Variants in KCNH1 observed in about 807,000 individuals in gnomAD.
KCNH1 encodes the protein potassium voltage-gated channel subfamily H member 1.
A neutral mutation model predicts 69.2 loss-of-function variants in KCNH1; 27 were observed. The observed-to-expected ratio is 0.39, with a 90% confidence interval of 0.29 to 0.54. The LOEUF (loss-of-function observed/expected upper bound fraction) is 0.54, where lower values mean the gene tolerates loss of function less well. KCNH1 is among the 20% of genes least tolerant of loss of function. The probability of loss-of-function intolerance (pLI) is 0.68; values close to 1 mark genes in which losing one functional copy is unlikely to be tolerated. For missense variants in KCNH1, 798 were observed against 1,261.6 expected (o/e 0.63, Z 5.57); for synonymous variants, 456 against 487.7 (o/e 0.93, Z 0.86).
chr1:210,819,475 C>T (rs534807118), intron 7 of KCNH1, among the ~76,000 whole-genome samples: 1 of 152,196 alleles, frequency 6.6e-6, no homozygotes, highest in South Asian at 2.1e-4. Context: ...TGAGTGTCTG[C>T]CGTGACACCT....
chr1:210,804,048 C>T lies in KCNH1; in HGVS notation c.1581G>A (p.Gln527=). 6.2e-7 allele frequency: 1 copy of T among 1,614,192 alleles called. No homozygotes were observed. Among genetic ancestry groups the T allele is most frequent in the Non-Finnish European group, 8.5e-7 (1 of 1,180,034 alleles). Residue 527 remains glutamine (Q), a synonymous_variant, in exon 8 of 11, where the codon CAG becomes CAA. Transcript: ENST00000271751. The part of the protein sequence containing the change: ...NSVRDFLKLY[Q]VPKGLSERVM... ...CTCGCTCACTCAATCCTTTTGGCACCTGGTAGAGCTTCAGGAAGTCCCGAA... is the reference window on the plus strand; with the variant it reads ...CTCGCTCACTCAATCCTTTTGGCACTTGGTAGAGCTTCAGGAAGTCCCGAA...
intron 7 of KCNH1, among the ~76,000 whole-genome samples, chr1:210,823,769 A>C (rs1024132717): frequency 6.6e-6 from 1 of 152,174 alleles, no homozygotes; most frequent in Non-Finnish European, 1.5e-5. Flanking sequence ...CAAATCACAC[A>C]GCAACCAAGT....
intron 1 of KCNH1, among the ~76,000 whole-genome samples, chr1:211,121,893 T>C (rs1455557526): frequency 6.6e-6 from 1 of 152,200 alleles, no homozygotes; most frequent in Non-Finnish European, 1.5e-5. Context: ...CCCAGCACTT[T>C]GGGAGACCCA....
intron 6 of KCNH1, among the ~76,000 whole-genome samples, chr1:210,993,168 T>C (rs1688965574): frequency 6.6e-6 from 1 of 152,248 alleles, no homozygotes; most frequent in East Asian, 1.9e-4. Flanking sequence ...TACACTATTT[T>C]AAGTTACTTT....
intron 6 of KCNH1, among the ~76,000 whole-genome samples, chr1:210,952,084 A>G (rs1688073354): frequency 6.6e-6 from 1 of 152,122 alleles, no homozygotes. Context: ...CAAGCTGCCT[A>G]GCACCTGAGC....
chr1:210,886,578 G>A (rs1480462947), intron 7 of KCNH1, among the ~76,000 whole-genome samples: 1 of 151,942 alleles, frequency 6.6e-6, no homozygotes, highest in Admixed American at 6.6e-5. Flanking sequence ...GCTTCAGAAG[G>A]TGTGTAATAA....
rs755800500 is a variant in KCNH1 at position 210,683,843 on chromosome 1, G to A, written c.2408C>T (p.Ala803Val). Residue 803 changes from alanine (A) to valine (V), a missense_variant, in exon 11 of 11, where the codon GCC (alanine) becomes GTC (valine). By Grantham distance (64) the Ala-to-Val change is moderately conservative. This residue lies in a region of KCNH1 where 331 missense variants were observed against 363.2 expected (regional missense o/e 0.91). Coordinates refer to ENST00000271751, the MANE Select transcript of KCNH1 (RefSeq NM_172362.3). This position sits in a 1 kb window ranked among gnomAD's most constrained non-coding sequence, Gnocchi z 5.7. ...GTGGTCTGGCACCCCGGAGGTGGAG[G>A]CTGCCTGGAAGGATACGGGCGTGGC... ...SPATPVSFQA[A>V]STSGVPDHAK... The A allele has an allele frequency of 6.2e-7, 1 of 1,614,038 alleles. No homozygotes were observed. Among genetic ancestry groups the A allele is most frequent in the Admixed American group, 1.7e-5 (1 of 60,032 alleles).
chr1:210,845,551 A>C (rs1205199373), intron 7 of KCNH1, among the ~76,000 whole-genome samples: 1 of 152,198 alleles, frequency 6.6e-6, no homozygotes. Flanking sequence ...AACACTCTCA[A>C]TAAACTAGGT....
intron 6 of KCNH1, among the ~76,000 whole-genome samples, chr1:210,959,368 G>C (rs1486800702): frequency 6.6e-6 from 1 of 152,158 alleles, no homozygotes; most frequent in Non-Finnish European, 1.5e-5. Flanking sequence ...AGGCCACATG[G>C]GGGCCAGGGA....
At chr1:210,853,098 G>A (rs1352447494) in intron 7 of KCNH1, among the ~76,000 whole-genome samples, 1 of 152,136 alleles carries the variant, frequency 6.6e-6, no homozygotes, top group East Asian at 1.9e-4. Flanking sequence ...ATAATGTTTG[G>A]CGGCTATGGT....
intron 7 of KCNH1, among the ~76,000 whole-genome samples, chr1:210,836,833 T>C (rs560865236): frequency 2.0e-5 from 3 of 152,268 alleles, no homozygotes; most frequent in Non-Finnish European, 4.4e-5. Flanking sequence ...ATAAATCAAT[T>C]ATGCATATCC....
intron 10 of KCNH1, among the ~76,000 whole-genome samples, chr1:210,725,332 A>G (rs1217986159): frequency 6.6e-6 from 1 of 152,150 alleles, no homozygotes; most frequent in Non-Finnish European, 1.5e-5. Context: ...AGTTTTTTAT[A>G]CATTAATTCA....
intron 9 of KCNH1, among the ~76,000 whole-genome samples, chr1:210,780,955 G>A (rs921437865): frequency 6.6e-6 from 1 of 152,172 alleles, no homozygotes; most frequent in Non-Finnish European, 1.5e-5. Context: ...GCTGAGGCAG[G>A]AGAATGGCGT....
At chr1:210,796,352 GT>G (rs1684314534) in intron 9 of KCNH1, among the ~76,000 whole-genome samples, 1 of 152,088 alleles carries the variant, frequency 6.6e-6, no homozygotes, top group Non-Finnish European at 1.5e-5. Context: ...GTTACTGTAA[GT>G]TTAAAATGAG....
chr1:211,122,622 T>C (rs1434810140), intron 1 of KCNH1, among the ~76,000 whole-genome samples: 1 of 152,170 alleles, frequency 6.6e-6, no homozygotes, highest in Non-Finnish European at 1.5e-5. Flanking sequence ...GTGGTACATA[T>C]ACACCATGGA....
chr1:210,897,859 C>A (rs140825737), intron 7 of KCNH1, among the ~76,000 whole-genome samples: 3 of 152,118 alleles, frequency 2.0e-5, no homozygotes, highest in Non-Finnish European at 4.4e-5. Flanking sequence ...AGGAAGAGAG[C>A]GAGCTGATGC....
intron 10 of KCNH1, among the ~76,000 whole-genome samples, chr1:210,754,343 G>T (rs369563900): frequency 6.6e-6 from 1 of 151,610 alleles, no homozygotes; most frequent in South Asian, 2.1e-4. Flanking sequence ...CCAAGAAATT[G>T]TTGTGTGGAT....
chr1:210,839,437 G>C (rs974025248), intron 7 of KCNH1, among the ~76,000 whole-genome samples: 1 of 152,102 alleles, frequency 6.6e-6, no homozygotes, highest in African/African-American at 2.4e-5. Context: ...AAGGTGAGGG[G>C]TGGGAAGAGG....
intron 5 of KCNH1, among the ~76,000 whole-genome samples, chr1:211,058,963 G>T (rs897941616): frequency 3.0e-4 from 46 of 152,266 alleles, no homozygotes; most frequent in African/African-American, 1.1e-3. Context: ...GGACTAAATA[G>T]ATTTCAAGAC....
Sources: allele counts gnomAD v4.1 joint callset (sites outside exome capture counted in the v4.1 genomes callset), GRCh38; gene constraint gnomAD v4.1.1; regional missense constraint gnomAD v4.1.1; non-coding constraint Gnocchi (gnomAD v3.1); transcripts MANE v1.5; gene names NCBI Gene and HGNC (gene_info 2026-07-23, HGNC 2026-07-21).